The following SPMAP2L variants were observed in gnomAD, a reference collection of about 807,000 sequenced individuals.
SPMAP2L encodes the protein sperm microtubule associated protein 2-like.
the SPMAP2L span, among the ~76,000 whole-genome samples, chr4:56,544,404 A>AT: frequency 3.9e-5 from 6 of 152,108 alleles, no homozygotes; most frequent in Non-Finnish European, 7.4e-5. Context: ...CTGAAGAATA[A>AT]TTTTTTGGGG....
At chr4:56,590,516 G>A in the SPMAP2L span, among the ~76,000 whole-genome samples, 2 of 152,204 alleles carry the variant, frequency 1.3e-5, no homozygotes, top group Non-Finnish European at 2.9e-5. Flanking sequence ...TCAAGTTGTA[G>A]TATCGAGGAA....
chr4:56,615,672 CA>C, the SPMAP2L span, among the ~76,000 whole-genome samples: 1 of 152,138 alleles, frequency 6.6e-6, no homozygotes, highest in Non-Finnish European at 1.5e-5. Context: ...TGCTTGGACC[CA>C]GAAGGCAGAG....
the SPMAP2L span, among the ~76,000 whole-genome samples, chr4:56,574,672 C>A: frequency 2.7e-3 from 417 of 152,198 alleles, 1 homozygote; most frequent in African/African-American, 9.6e-3. Flanking sequence ...ATCTGTATAT[C>A]TTTTGGTCTA....
chr4:56,558,570 G>T, the SPMAP2L span, among the ~76,000 whole-genome samples: 19,929 of 152,098 alleles, frequency 0.13, 1,395 homozygotes, highest in East Asian at 0.2. Flanking sequence ...TTGATTTCAT[G>T]GTTGTGTCTA....
chr4:56,606,443 T>C, the SPMAP2L span, among the ~76,000 whole-genome samples: 1 of 152,168 alleles, frequency 6.6e-6, no homozygotes, highest in African/African-American at 2.4e-5. Context: ...CTGTGGATCT[T>C]AAGCATAGTG....
chr4:56,562,341 T>A, the SPMAP2L span, among the ~76,000 whole-genome samples: 1 of 152,044 alleles, frequency 6.6e-6, no homozygotes, highest in Non-Finnish European at 1.5e-5. Flanking sequence ...TGCACATATG[T>A]ATCTTTTGCC....
At chr4:56,534,049 C>T in the SPMAP2L span, among the ~76,000 whole-genome samples, 1 of 152,186 alleles carries the variant, frequency 6.6e-6, no homozygotes, top group East Asian at 1.9e-4. Flanking sequence ...CCCAAACCTT[C>T]CTTGAACCCC....
At chr4:56,550,253 G>T in the SPMAP2L span, among the ~76,000 whole-genome samples, 1 of 152,094 alleles carries the variant, frequency 6.6e-6, no homozygotes. Flanking sequence ...CTCCTGAAGT[G>T]CTGGCATTAT....
the SPMAP2L span, among the ~76,000 whole-genome samples, chr4:56,542,042 C>T: frequency 6.6e-6 from 1 of 152,192 alleles, no homozygotes; most frequent in Non-Finnish European, 1.5e-5. Context: ...AGGACTTAAA[C>T]AAGAGCCTCA....
the SPMAP2L span, among the ~76,000 whole-genome samples, chr4:56,577,506 A>G: frequency 6.6e-6 from 1 of 152,138 alleles, no homozygotes; most frequent in East Asian, 1.9e-4. Context: ...TCAGTCCATT[A>G]AAAAGGGAGG....
the SPMAP2L span, among the ~76,000 whole-genome samples, chr4:56,580,807 T>C: frequency 6.6e-6 from 1 of 151,960 alleles, no homozygotes; most frequent in East Asian, 1.9e-4. Context: ...CCAAAATCAA[T>C]ACAGAAAAAT....
chr4:56,594,658 T>G, the SPMAP2L span: 1 of 1,325,538 alleles, frequency 7.5e-7, no homozygotes, highest in South Asian at 1.2e-5. Flanking sequence ...AGATTCAGCC[T>G]GTGGAGGTGG....
chr4:56,600,097 CTTTTTTTTTTTTTTT>C, the SPMAP2L span, among the ~76,000 whole-genome samples: 1 of 87,782 alleles, frequency 1.1e-5, no homozygotes, highest in African/African-American at 5.1e-5. Context: ...TCTTTGCTTT[CTTTTTTTTTTTTTTT>C]TTTTTTTTTT....
the SPMAP2L span, among the ~76,000 whole-genome samples, chr4:56,619,654 G>A: frequency 6.6e-6 from 1 of 152,048 alleles, no homozygotes; most frequent in Non-Finnish European, 1.5e-5. Flanking sequence ...TGAACATTTA[G>A]GCTGTTTCCA....
the SPMAP2L span, among the ~76,000 whole-genome samples, chr4:56,549,022 T>G: frequency 6.7e-6 from 1 of 149,872 alleles, no homozygotes; most frequent in African/African-American, 2.5e-5. Flanking sequence ...AGAGTCTCGC[T>G]CTGTTCCCCA....
chr4:56,611,606 G>C, the SPMAP2L span, among the ~76,000 whole-genome samples: 5 of 152,132 alleles, frequency 3.3e-5, no homozygotes, highest in Admixed American at 1.3e-4. Flanking sequence ...AGGAAAAAGA[G>C]TCAGAATACA....
the SPMAP2L span, among the ~76,000 whole-genome samples, chr4:56,604,223 G>T: frequency 1.3e-5 from 2 of 152,140 alleles, no homozygotes; most frequent in Admixed American, 6.5e-5. Flanking sequence ...TATTTACCAG[G>T]TATGTGATCT....
chr4:56,551,874 G>A, the SPMAP2L span, among the ~76,000 whole-genome samples: 1 of 152,284 alleles, frequency 6.6e-6, no homozygotes, highest in African/African-American at 2.4e-5. Context: ...AGGATATGTG[G>A]CTTCTAGGTC....
the SPMAP2L span, among the ~76,000 whole-genome samples, chr4:56,551,504 C>T: frequency 6.6e-6 from 1 of 151,956 alleles, no homozygotes; most frequent in Non-Finnish European, 1.5e-5. Context: ...CAGTTCAATT[C>T]GGGGGTGTCA....
Sources: gnomAD v4.1 joint callset for allele counts (sites outside exome capture counted in the v4.1 genomes callset) on GRCh38, gnomAD v4.1.1 for gene constraint, MANE v1.5 for transcripts, NCBI Gene and HGNC (gene_info 2026-07-23, HGNC 2026-07-21) for gene names.